Variants in DLGAP2 observed in about 807,000 individuals in gnomAD.
DLGAP2 encodes the protein DLG associated protein 2, also known as disks large-associated protein 2.
A neutral mutation model predicts 100.3 loss-of-function variants in DLGAP2; 26 were observed. The ratio of observed to expected loss-of-function variants is 0.26; its 90% CI spans 0.19 to 0.36. DLGAP2 has a LOEUF of 0.36. Among genes scored for constraint, DLGAP2 ranks in the 10% least tolerant of loss-of-function variants. DLGAP2 has a pLI of 1.00. For missense variants in DLGAP2, 1,858 were observed against 1,453.2 expected (o/e 1.28, Z -4.53); for synonymous variants, 886 against 630.1 (o/e 1.41, Z -6.08).
chr8:844,437 G>A (rs951037335), intron 1 of DLGAP2, among the ~76,000 whole-genome samples: 3 of 151,798 alleles, frequency 2.0e-5, no homozygotes, highest in African/African-American at 2.4e-5. Context: ...CTTTCCAGCC[G>A]TGCTGTCCTT....
chr8:852,034 C>T (rs914539720), intron 1 of DLGAP2, among the ~76,000 whole-genome samples: 13 of 152,346 alleles, frequency 8.5e-5, no homozygotes, highest in African/African-American at 3.1e-4. Flanking sequence ...CTCCCACCTG[C>T]CCTGTGGACA....
At chr8:872,775 C>G (rs767581829) in intron 1 of DLGAP2, among the ~76,000 whole-genome samples, 3 of 152,176 alleles carry the variant, frequency 2.0e-5, no homozygotes, top group African/African-American at 7.2e-5. Flanking sequence ...AGAACACTCT[C>G]CTCACCCAAA....
intron 1 of DLGAP2, among the ~76,000 whole-genome samples, chr8:813,567 A>C (rs1258108860): frequency 6.6e-6 from 1 of 152,320 alleles, no homozygotes; most frequent in Middle Eastern, 3.4e-3. Context: ...ACTGAGGAAT[A>C]AACAGGAAGG....
chr8:833,211 A>G (rs1452248137), intron 1 of DLGAP2, among the ~76,000 whole-genome samples: 7 of 152,182 alleles, frequency 4.6e-5, no homozygotes, highest in Non-Finnish European at 8.8e-5. Flanking sequence ...TATTCCTAAG[A>G]CTTTGGGAAG....
chr8:1,204,207 T>A (rs1394587128), intron 2 of DLGAP2, among the ~76,000 whole-genome samples: 1 of 152,108 alleles, frequency 6.6e-6, no homozygotes, highest in East Asian at 1.9e-4. Context: ...TATCAGCGGG[T>A]TTTTATCTGC....
intron 1 of DLGAP2, among the ~76,000 whole-genome samples, chr8:903,791 T>TG (rs1563088086): frequency 6.6e-6 from 1 of 152,192 alleles, no homozygotes; most frequent in African/African-American, 2.4e-5. Context: ...AATAGAGTCT[T>TG]GGGGGAAACC....
chr8:903,029 AAG>A (rs1798294832), intron 1 of DLGAP2, among the ~76,000 whole-genome samples: 1 of 103,852 alleles, frequency 9.6e-6, no homozygotes, highest in Non-Finnish European at 2.0e-5. Flanking sequence ...GGGGGGTGGA[AAG>A]AGTGCGGGTG....
chr8:973,637 C>T (rs780912928), intron 2 of DLGAP2, among the ~76,000 whole-genome samples: 4 of 152,206 alleles, frequency 2.6e-5, no homozygotes, highest in Admixed American at 6.5e-5. Flanking sequence ...TGTAGTGAGC[C>T]GAGATCACGC....
intron 4 of DLGAP2, among the ~76,000 whole-genome samples, chr8:1,538,209 A>C (rs1323609052): frequency 6.6e-6 from 1 of 151,738 alleles, no homozygotes; most frequent in East Asian, 1.9e-4. Flanking sequence ...ATTCATTCTC[A>C]ATTCTCTCTT....
chr8:1,069,378 C>T (rs922265633), intron 2 of DLGAP2, among the ~76,000 whole-genome samples: 1 of 152,152 alleles, frequency 6.6e-6, no homozygotes, highest in Non-Finnish European at 1.5e-5. Context: ...CACTGGAGGA[C>T]GGGCCGGCTT....
chr8:1,656,234 C>T (rs146555035), intron 8 of DLGAP2, among the ~76,000 whole-genome samples: 18,142 of 151,734 alleles, frequency 0.12, 1,495 homozygotes, highest in African/African-American at 0.24. Flanking sequence ...TGCTTGAACC[C>T]GGGAGGCGGA....
At chr8:1,332,629 A>C (rs1801185056) in intron 3 of DLGAP2, among the ~76,000 whole-genome samples, 1 of 152,146 alleles carries the variant, frequency 6.6e-6, no homozygotes, top group African/African-American at 2.4e-5. Context: ...CCTCCAGGTC[A>C]CACGTCTAAG....
chr8:1,630,956 A>G (rs112364863), intron 7 of DLGAP2, among the ~76,000 whole-genome samples: 2,095 of 110,034 alleles, frequency 0.019, 74 homozygotes, highest in African/African-American at 0.066. Flanking sequence ...GGGAGGTCCC[A>G]GTGTCCCGAG....
chr8:1,607,190 CAT>C (rs1182188227), intron 6 of DLGAP2, among the ~76,000 whole-genome samples: 9 of 152,162 alleles, frequency 5.9e-5, no homozygotes, highest in African/African-American at 1.2e-4. Context: ...TTTTCATATA[CAT>C]ATGTTTATAT....
chr8:1,382,834 G>C, intron 3 of DLGAP2, among the ~76,000 whole-genome samples: 1 of 152,188 alleles, frequency 6.6e-6, no homozygotes, highest in East Asian at 1.9e-4. Flanking sequence ...AAGAGGACTG[G>C]TTGAATAAAC....
chr8:1,483,592 C>G (rs1193942473), intron 3 of DLGAP2, among the ~76,000 whole-genome samples: 12 of 123,560 alleles, frequency 9.7e-5, no homozygotes, highest in African/African-American at 4.9e-4. Flanking sequence ...AGGCGCAGAA[C>G]GTGAGGACAA....
At chr8:1,115,373 T>A (rs1299435496) in intron 2 of DLGAP2, among the ~76,000 whole-genome samples, 1 of 152,228 alleles carries the variant, frequency 6.6e-6, no homozygotes, top group Non-Finnish European at 1.5e-5. Flanking sequence ...GGTGCTCCTG[T>A]GTTGGATGCA....
chr8:881,666 A>ATGTGTATATATATATATATATATAT, intron 1 of DLGAP2, among the ~76,000 whole-genome samples: 1 of 131,044 alleles, frequency 7.6e-6, no homozygotes, highest in African/African-American at 2.7e-5. Flanking sequence ...CTTGTGGCTG[A>ATGTGTATATATATATATATATATAT]ACACACACAC....
At chr8:1,449,160 T>G (rs1365663857) in intron 3 of DLGAP2, among the ~76,000 whole-genome samples, 1 of 152,136 alleles carries the variant, frequency 6.6e-6, no homozygotes, top group African/African-American at 2.4e-5. Flanking sequence ...ATGGGGAAAG[T>G]CACTTATATG....
Sources: allele counts gnomAD v4.1 joint callset (sites outside exome capture counted in the v4.1 genomes callset), GRCh38; gene constraint gnomAD v4.1.1; transcripts MANE v1.5; gene names NCBI Gene and HGNC (gene_info 2026-07-23, HGNC 2026-07-21).